The following DAPK2 variants were observed in gnomAD, a reference collection of about 807,000 sequenced individuals.
DAPK2 encodes the protein death-associated protein kinase 2.
A neutral mutation model predicts 44.1 loss-of-function variants in DAPK2; 35 were observed. The observed-to-expected ratio is 0.79, with a 90% CI of 0.61 to 1.05. DAPK2 has a LOEUF of 1.05. Ranked by LOEUF, DAPK2 falls within the 50% of genes least tolerant of loss-of-function variation. DAPK2 has a pLI of 0.00. For synonymous variants in DAPK2, 174 were observed against 182.6 expected (o/e 0.95, Z 0.38); for missense variants, 453 against 483.2 (o/e 0.94, Z 0.59).
intron 1 of DAPK2, among the ~76,000 whole-genome samples, chr15:64,030,983 C>T (rs2079997541): frequency 6.7e-6 from 1 of 148,434 alleles, no homozygotes; most frequent in South Asian, 2.1e-4. Flanking sequence ...CACACATACA[C>T]ACACACACAC....
intron 1 of DAPK2, among the ~76,000 whole-genome samples, chr15:64,036,856 C>G (rs991739026): frequency 6.6e-6 from 1 of 152,094 alleles, no homozygotes; most frequent in Non-Finnish European, 1.5e-5. Context: ...TCCTAGAAGG[C>G]TGCAGAGGCA....
upstream of DAPK2, chr15:64,046,323 GCGGC>G (rs2080462903): frequency 3.1e-6 from 3 of 957,828 alleles, no homozygotes; most frequent in African/African-American, 7.4e-5. The surrounding 1 kb of genome is among the most constrained non-coding windows in gnomAD (Gnocchi z 5.3). Flanking sequence ...TGCCGCGGTC[GCGGC>G]CGCGGCAGGC....
intron 3 of DAPK2, among the ~76,000 whole-genome samples, chr15:63,960,439 T>C (rs2077862581): frequency 6.6e-6 from 1 of 152,236 alleles, no homozygotes; most frequent in South Asian, 2.1e-4. Context: ...TTAATTGTGA[T>C]GTTAGGGTGT....
intron 1 of DAPK2, among the ~76,000 whole-genome samples, chr15:64,012,998 G>A (rs1187245401): frequency 6.6e-6 from 1 of 152,104 alleles, no homozygotes; most frequent in Non-Finnish European, 1.5e-5. Context: ...TTGTATCTTC[G>A]ATATGATCAT....
chr15:64,029,653 C>T (rs1007026983), intron 1 of DAPK2: 1 of 152,262 alleles, frequency 6.6e-6, no homozygotes, highest in African/African-American at 2.4e-5. Context: ...AGGTCTAAGC[C>T]CTAAGTCTCC....
chr15:63,991,254 A>G (rs1361032253), intron 1 of DAPK2: 1 of 456,342 alleles, frequency 2.2e-6, no homozygotes, highest in Admixed American at 2.3e-5. Flanking sequence ...GTGCGCTGGG[A>G]ACTAGATGGG....
intron 3 of DAPK2, among the ~76,000 whole-genome samples, chr15:63,952,170 G>A (rs1304585466): frequency 1.3e-5 from 2 of 152,104 alleles, no homozygotes; most frequent in African/African-American, 4.8e-5. Context: ...AACCTGGGAG[G>A]CAGAGGTTGC....
rs114728788 is a variant in DAPK2, at chr15:63,951,876, C to A, written c.454-12515G>T. On this transcript the variant is annotated intron_variant, in intron 3 of 10. Coordinates refer to ENST00000261891, the Ensembl canonical transcript of DAPK2. ...CACCCATTCACTCATTTGTTCGACACTGAGGAACTCAGCATGTGTTGGGCA... is the reference window on the plus strand; with the variant it reads ...CACCCATTCACTCATTTGTTCGACAATGAGGAACTCAGCATGTGTTGGGCA... Among the ~76,000 whole-genome samples the A allele has an allele frequency of 4.7e-3, 715 of 152,326 alleles. 5 individuals are homozygous for A. The highest frequency in any genetic ancestry group is 0.016 in the African/African-American group (663 of 41,560).
intron 2 of DAPK2, among the ~76,000 whole-genome samples, chr15:63,982,791 C>T (rs1303854744): frequency 6.6e-6 from 1 of 152,200 alleles, no homozygotes; most frequent in Non-Finnish European, 1.5e-5. Flanking sequence ...GTGTCCTGGC[C>T]TCTCAGTGTT....
chr15:64,004,322 A>C, intron 1 of DAPK2, among the ~76,000 whole-genome samples: 2 of 150,472 alleles, frequency 1.3e-5, no homozygotes, highest in African/African-American at 2.5e-5. Context: ...TTCTTGCAAG[A>C]CTCCTTCATT....
chr15:63,931,781 G>A (rs1337082547), intron 4 of DAPK2, among the ~76,000 whole-genome samples: 1 of 152,130 alleles, frequency 6.6e-6, no homozygotes, highest in Non-Finnish European at 1.5e-5. Context: ...CTGCCAAGGA[G>A]AGAAGAAGAT....
rs759611190 is a variant in DAPK2, at chr15:63,980,351, G to A, written c.314+3182C>T. ...CAGGCAATTTCCCCAGCAATTAAAGGCATGCCAATTATAGTAAGAAAGTAT... is the reference window on the plus strand; with the variant it reads ...CAGGCAATTTCCCCAGCAATTAAAGACATGCCAATTATAGTAAGAAAGTAT... On this transcript the variant is annotated intron_variant, in intron 2 of 10. Coordinates refer to ENST00000261891, the Ensembl canonical transcript of DAPK2. This position sits in a 1 kb window ranked among gnomAD's most constrained non-coding sequence, Gnocchi z 4.3. Among the ~76,000 whole-genome samples, 2 of 152,142 alleles carry A rather than the reference G, an allele frequency of 1.3e-5. No homozygotes were observed. Among genetic ancestry groups the A allele is most frequent in the South Asian group, 4.1e-4 (2 of 4,820 alleles).
chr15:64,038,479 T>A (rs1391493850), intron 1 of DAPK2, among the ~76,000 whole-genome samples: 1 of 152,140 alleles, frequency 6.6e-6, no homozygotes, highest in East Asian at 1.9e-4. Context: ...AACCCCAGCC[T>A]CTGGTCCTAT....
At chr15:63,946,119 G>A (rs2077443131) in intron 3 of DAPK2, among the ~76,000 whole-genome samples, 1 of 152,246 alleles carries the variant, frequency 6.6e-6, no homozygotes, top group Non-Finnish European at 1.5e-5. Flanking sequence ...CTGCCACCAG[G>A]AGGCAGAAAT....
At chr15:63,949,687 A>G (rs2077538146) in intron 3 of DAPK2, among the ~76,000 whole-genome samples, 1 of 152,174 alleles carries the variant, frequency 6.6e-6, no homozygotes, top group Admixed American at 6.5e-5. Flanking sequence ...AAGGAAGTCA[A>G]AATCAGCTGG....
intron 1 of DAPK2, among the ~76,000 whole-genome samples, chr15:64,007,742 G>A (rs2079274154): frequency 6.6e-6 from 1 of 152,182 alleles, no homozygotes; most frequent in Non-Finnish European, 1.5e-5. Flanking sequence ...GTGCCATTTA[G>A]CACTAAATGT....
intron 6 of DAPK2, among the ~76,000 whole-genome samples, chr15:63,926,857 G>T (rs1439459807): frequency 6.6e-6 from 1 of 152,156 alleles, no homozygotes; most frequent in Non-Finnish European, 1.5e-5. Flanking sequence ...AGTCACCTTG[G>T]ACTCTTCTTT....
chr15:63,952,822 T>C (rs893947186), intron 3 of DAPK2, among the ~76,000 whole-genome samples: 1 of 152,114 alleles, frequency 6.6e-6, no homozygotes, highest in African/African-American at 2.4e-5. Flanking sequence ...TATGCTCTTT[T>C]AGTAATTTTT....
At chr15:63,943,599 G>T (rs373211119) in intron 3 of DAPK2, among the ~76,000 whole-genome samples, 5 of 152,086 alleles carry the variant, frequency 3.3e-5, no homozygotes, top group Admixed American at 1.3e-4. Context: ...GAGGCCGGGC[G>T]CAGTGGCTCA....
Sources: gnomAD v4.1 joint callset for allele counts (sites outside exome capture counted in the v4.1 genomes callset) on GRCh38, gnomAD v4.1.1 for gene constraint, Gnocchi (gnomAD v3.1) non-coding constraint, MANE v1.5 for transcripts, NCBI Gene and HGNC (gene_info 2026-07-23, HGNC 2026-07-21) for gene names.